Variants in NDST3 observed in about 807,000 individuals in gnomAD.
The protein encoded by NDST3 is bifunctional heparan sulfate N-deacetylase/N-sulfotransferase 3.
Under a neutral mutation model 96.1 loss-of-function variants are expected in NDST3, and 58 were observed. That is an observed-to-expected ratio of 0.60 (90% CI 0.49 to 0.75). The LOEUF (loss-of-function observed/expected upper bound fraction) is 0.75. Among genes scored for constraint, NDST3 ranks in the 30% least tolerant of loss-of-function variants. The pLI, the probability that NDST3 is intolerant of heterozygous loss-of-function variation, is 0.00. For synonymous variants in NDST3, 333 were observed against 359.7 expected (o/e 0.93, Z 0.84); for missense variants, 788 against 1,034.2 (o/e 0.76, Z 3.27).
chr4:118,131,574 C>A (rs1732618964), intron 4 of NDST3, among the ~76,000 whole-genome samples: 1 of 152,106 alleles, frequency 6.6e-6, no homozygotes, highest in South Asian at 2.1e-4. Context: ...GTCACACATC[C>A]TTATTTCTCC....
At chr4:118,238,164 AAAGAAAGAAAGAAAGAAAG>A (rs1449249487) in intron 10 of NDST3, among the ~76,000 whole-genome samples, 3 of 20,460 alleles carry the variant, frequency 1.5e-4, no homozygotes, top group African/African-American at 8.8e-4. Flanking sequence ...GAAAAGAAAG[AAAGAAAGAAAGAAAGAAAG>A]AAAGAAAGAA....
rs1008510525 is a variant in NDST3, at chr4:118,157,135, A to G, written c.1539+13451A>G. On this transcript the variant is annotated intron_variant, in intron 6 of 13. Coordinates refer to ENST00000296499, the MANE Select transcript of NDST3 (RefSeq NM_004784.3). Reference sequence around the variant, plus strand: ...TACAAGAGACTACTATACAAATAAAATTAAGAAGATTTTGATGTGCTATGA... The same window carrying G: ...TACAAGAGACTACTATACAAATAAAGTTAAGAAGATTTTGATGTGCTATGA... Among the ~76,000 whole-genome samples the G allele has an allele frequency of 5.2e-4, 79 of 152,186 alleles. 1 individual carries two copies. The highest frequency in any genetic ancestry group is 1.9e-3 in the African/African-American group (79 of 41,436).
At chr4:118,148,098 AC>A (rs1447975539) in intron 6 of NDST3, among the ~76,000 whole-genome samples, 1 of 152,148 alleles carries the variant, frequency 6.6e-6, no homozygotes, top group African/African-American at 2.4e-5. Context: ...GGAGATCAAG[AC>A]CATCCTGGCT....
intron 1 of NDST3, among the ~76,000 whole-genome samples, chr4:118,049,233 A>G (rs554712674): frequency 6.6e-6 from 1 of 152,296 alleles, no homozygotes; most frequent in Admixed American, 6.5e-5. Flanking sequence ...AGTGTAAAGA[A>G]GAAAGATTAT....
At chr4:118,230,432 G>C (rs1444268130) in intron 8 of NDST3, among the ~76,000 whole-genome samples, 1 of 152,074 alleles carries the variant, frequency 6.6e-6, no homozygotes, top group African/African-American at 2.4e-5. Flanking sequence ...AAATTTAGCC[G>C]GGTGCGGTGG....
intron 6 of NDST3, among the ~76,000 whole-genome samples, chr4:118,170,715 T>G (rs1266402426): frequency 1.3e-5 from 2 of 151,794 alleles, no homozygotes; most frequent in African/African-American, 4.8e-5. Flanking sequence ...GGCGACAGAG[T>G]GAGACCCCAT....
At position 118,163,541 on chromosome 4, in the gene NDST3, A is replaced by T. The variant is rs562768448; in HGVS notation, c.1539+19857A>T. ...CCGCATATTCTCACTCATAGGTGGG[A>T]ACTGAACAATGAGAACACATGGACA... is the stretch of plus-strand genomic sequence containing the variant. On this transcript the variant is annotated intron_variant, in intron 6 of 13. Coordinates refer to ENST00000296499, the MANE Select transcript of NDST3 (RefSeq NM_004784.3). Among the ~76,000 whole-genome samples the T allele has an allele frequency of 3.9e-5, 6 of 152,236 alleles. No homozygotes were observed. The East Asian group carries it at 1.2e-3, about 29-fold the overall frequency.
chr4:118,249,652 A>C (rs911315414), intron 12 of NDST3, among the ~76,000 whole-genome samples: 4 of 151,940 alleles, frequency 2.6e-5, no homozygotes, highest in Admixed American at 2.0e-4. Context: ...CAGAGGCAGA[A>C]ATCTAGGTTT....
chr4:118,142,690 A>C (rs999237264), intron 5 of NDST3, among the ~76,000 whole-genome samples: 1 of 152,144 alleles, frequency 6.6e-6, no homozygotes, highest in Admixed American at 6.5e-5. Context: ...CTGCTACTTC[A>C]AATGTATAGT....
At chr4:118,060,421 A>G (rs1330161046) in intron 2 of NDST3, among the ~76,000 whole-genome samples, 1 of 152,008 alleles carries the variant, frequency 6.6e-6, no homozygotes, top group Non-Finnish European at 1.5e-5. Flanking sequence ...CCTTTTTTAT[A>G]TATTTTTAAT....
chr4:118,251,688 C>A (rs1741749300), intron 12 of NDST3, among the ~76,000 whole-genome samples: 1 of 152,194 alleles, frequency 6.6e-6, no homozygotes, highest in African/African-American at 2.4e-5. Context: ...ATCTTCATTA[C>A]TGTAGAATTA....
intron 2 of NDST3, among the ~76,000 whole-genome samples, chr4:118,074,950 A>T (rs13125397): frequency 6.6e-6 from 1 of 151,900 alleles, no homozygotes; most frequent in Non-Finnish European, 1.5e-5. Context: ...TGTACACCAC[A>T]TGCAGGTTAG....
In NDST3 at chr4:118,255,597, G is replaced by A; in HGVS notation, c.2507G>A (p.Arg836Lys). The A allele has an allele frequency of 6.2e-7, 1 of 1,611,462 alleles. No individual in the cohort carries two copies. The highest frequency in any genetic ancestry group is 8.5e-7 in the Non-Finnish European group (1 of 1,178,432). ...TCTCTCCTCCTCTCCACTTAGAGCA[G>A]GACATTTCTGTCAAGCTACTATCGA... ...RKYPPMDSDS[R>K]TFLSSYYRDH... Residue 836 changes from arginine to lysine, a missense_variant, in exon 14 of 14, where the codon AGG becomes AAG. By Grantham distance (26) the Arg-to-Lys change is conservative. Transcript: ENST00000296499.
At chr4:118,093,831 AT>A (rs1293012175) in intron 2 of NDST3, among the ~76,000 whole-genome samples, 1 of 151,870 alleles carries the variant, frequency 6.6e-6, no homozygotes, top group Non-Finnish European at 1.5e-5. Flanking sequence ...TTTATAAATA[AT>A]AGAAATTTAG....
chr4:118,211,145 T>C (rs1269362355), intron 6 of NDST3, among the ~76,000 whole-genome samples: 1 of 152,138 alleles, frequency 6.6e-6, no homozygotes, highest in African/African-American at 2.4e-5. Context: ...TGCAACAAGT[T>C]TGGAATTTTT....
chr4:118,122,096 A>C (rs1253484239), intron 4 of NDST3, among the ~76,000 whole-genome samples: 1 of 152,236 alleles, frequency 6.6e-6, no homozygotes, highest in African/African-American at 2.4e-5. Context: ...TTTCATAAAA[A>C]GAAAGATAAA....
chr4:118,234,232 C>G (rs979477521), intron 9 of NDST3, among the ~76,000 whole-genome samples: 1 of 151,920 alleles, frequency 6.6e-6, no homozygotes, highest in Admixed American at 6.6e-5. Context: ...GGCAACATAG[C>G]AAGACCCCAT....
intron 6 of NDST3, among the ~76,000 whole-genome samples, chr4:118,219,484 C>A (rs1216650869): frequency 6.6e-6 from 1 of 152,050 alleles, no homozygotes; most frequent in Non-Finnish European, 1.5e-5. Context: ...AACTGGCTAG[C>A]CATATGCAGA....
intron 2 of NDST3, among the ~76,000 whole-genome samples, chr4:118,088,117 G>A (rs1412506840): frequency 6.6e-6 from 1 of 151,970 alleles, no homozygotes; most frequent in Non-Finnish European, 1.5e-5. Context: ...TGCCAGTCAA[G>A]TAACAGGAAT....
Sources: allele counts gnomAD v4.1 joint callset (sites outside exome capture counted in the v4.1 genomes callset), GRCh38; gene constraint gnomAD v4.1.1; transcripts MANE v1.5; gene names NCBI Gene and HGNC (gene_info 2026-07-23, HGNC 2026-07-21).